ZFHX3: variants seen among roughly 807,000 people sequenced by gnomAD.
The protein encoded by ZFHX3 is zinc finger homeobox 3.
Under a neutral mutation model 279.1 loss-of-function variants are expected in ZFHX3, and 42 were observed. The ratio of observed to expected loss-of-function variants is 0.15; its 90% CI spans 0.12 to 0.19. The LOEUF is 0.19. Among genes scored for constraint, ZFHX3 ranks in the 10% least tolerant of loss-of-function variants. The pLI, the probability that ZFHX3 is intolerant of heterozygous loss-of-function variation, is 1.00. For synonymous variants in ZFHX3, 2,293 were observed against 1,957.8 expected (o/e 1.17, Z -4.52); for missense variants, 4,981 against 4,754.0 (o/e 1.05, Z -1.40).
chr16:73,338,393 T>G (rs957105649), intron 3 of ZFHX3, among the ~76,000 whole-genome samples: 2 of 152,198 alleles, frequency 1.3e-5, no homozygotes, highest in Non-Finnish European at 2.9e-5. Context: ...GGCAAATATT[T>G]GATATGTAAG....
At chr16:73,782,483 G>C (rs751087402) in intron 1 of ZFHX3, among the ~76,000 whole-genome samples, 3 of 152,166 alleles carry the variant, frequency 2.0e-5, no homozygotes, top group Non-Finnish European at 2.9e-5. Flanking sequence ...CTTGAAGGAC[G>C]CTTCAAGCCT....
rs142237405 is a variant in ZFHX3 at position 73,030,027 on chromosome 16, T to C, written c.-50+17725A>G. On this transcript the variant is annotated intron_variant, in intron 1 of 9. Coordinates refer to ENST00000268489, the MANE Select transcript of ZFHX3 (RefSeq NM_006885.4). ...AGGCATGTTTTGTTTTAATAAGTGA[T>C]AAATACTAATAACCCAACATCTAAT... 7.2e-4 allele frequency among the ~76,000 whole-genome samples: 110 copies of C among 152,294 alleles called. 1 individual carries two copies. In the Middle Eastern group the frequency reaches 0.01, roughly 14 times the overall value.
At chr16:72,928,199 A>G (rs1188853402) in intron 3 of ZFHX3, among the ~76,000 whole-genome samples, 2 of 15,726 alleles carry the variant, frequency 1.3e-4, no homozygotes, top group African/African-American at 2.1e-4. Flanking sequence ...GGGGGAGGGG[A>G]GCGAGGGGGA....
At chr16:73,797,851 G>A (rs1597120206) in intron 1 of ZFHX3, among the ~76,000 whole-genome samples, 2 of 100,636 alleles carry the variant, frequency 2.0e-5, no homozygotes, top group African/African-American at 8.1e-5. Flanking sequence ...TTGCACTCTT[G>A]TCACCCAGGC....
chr16:73,081,214 C>G (rs1242820934), intron 8 of ZFHX3: 1 of 151,940 alleles, frequency 6.6e-6, no homozygotes, highest in African/African-American at 2.4e-5. Context: ...CTTTCATCTT[C>G]TTTTCCATGA....
chr16:72,819,361 G>GA (rs34365119), intron 5 of ZFHX3, among the ~76,000 whole-genome samples: 1 of 152,084 alleles, frequency 6.6e-6, no homozygotes, highest in East Asian at 1.9e-4. Flanking sequence ...GTCTAGTTAA[G>GA]AAGTCGATCT....
chr16:73,126,427 C>A (rs1966570905), intron 7 of ZFHX3, among the ~76,000 whole-genome samples: 1 of 151,996 alleles, frequency 6.6e-6, no homozygotes, highest in Admixed American at 6.6e-5. Context: ...GACTTGGGGA[C>A]TGAAGTACTG....
At chr16:73,392,840 GT>G (rs5817842) in intron 3 of ZFHX3, among the ~76,000 whole-genome samples, 121,923 of 151,696 alleles carry the variant, frequency 0.8, 49,348 homozygotes, top group Non-Finnish European at 0.83. Flanking sequence ...TTTGTTTTTT[GT>G]TTTTTTGTTT....
At position 72,808,482 on chromosome 16, in the gene ZFHX3, T is replaced by C. The variant is rs555921679; in HGVS notation, c.3864+3095A>G. Among the ~76,000 whole-genome samples, 4 of 152,366 alleles carry C rather than the reference T, an allele frequency of 2.6e-5. No individual in the cohort carries two copies. In the East Asian group the frequency reaches 7.7e-4, roughly 29 times the overall value. On this transcript the variant is annotated intron_variant, in intron 7 of 9. Coordinates refer to ENST00000268489, the MANE Select transcript of ZFHX3 (RefSeq NM_006885.4). ...TGCAAAGAGAAAACTCATCCTTGCA[T>C]ATACATCTTTCAGTAAAAAGTAAAA...
intron 1 of ZFHX3, among the ~76,000 whole-genome samples, chr16:73,839,161 A>G (rs1961225290): frequency 6.6e-6 from 1 of 151,848 alleles, no homozygotes; most frequent in Non-Finnish European, 1.5e-5. Context: ...CTGGGCACAC[A>G]TCCTGGTGAA....
chr16:72,859,749 G>A (rs886402111), intron 4 of ZFHX3, among the ~76,000 whole-genome samples: 1 of 152,134 alleles, frequency 6.6e-6, no homozygotes, highest in Non-Finnish European at 1.5e-5. Flanking sequence ...GGAGAATGCG[G>A]CAGGACATGG....
chr16:73,176,303 T>A (rs1369426062), intron 5 of ZFHX3, among the ~76,000 whole-genome samples: 1 of 152,234 alleles, frequency 6.6e-6, no homozygotes, highest in Admixed American at 6.5e-5. Flanking sequence ...AAGAGATCAA[T>A]GTCAATGCAA....
At chr16:73,684,527 G>A (rs2053058563) in intron 1 of ZFHX3, among the ~76,000 whole-genome samples, 1 of 152,060 alleles carries the variant, frequency 6.6e-6, no homozygotes, top group Non-Finnish European at 1.5e-5. Flanking sequence ...TAGAATAATG[G>A]CTTCCCAAAC....
At chr16:72,911,868 G>A (rs149626477) in intron 3 of ZFHX3, among the ~76,000 whole-genome samples, 187 of 152,250 alleles carry the variant, frequency 1.2e-3, no homozygotes, top group African/African-American at 4.1e-3. Flanking sequence ...GAAAGCAGAG[G>A]GCAGGGGGAG....
intron 1 of ZFHX3, among the ~76,000 whole-genome samples, chr16:73,795,098 C>A (rs1959953060): frequency 6.6e-6 from 1 of 152,180 alleles, no homozygotes; most frequent in African/African-American, 2.4e-5. Flanking sequence ...AAACTGACTC[C>A]TCTCAGTGTC....
chr16:73,800,097 G>T (rs1053066577), intron 1 of ZFHX3, among the ~76,000 whole-genome samples: 76 of 152,028 alleles, frequency 5.0e-4, no homozygotes, highest in Non-Finnish European at 6.6e-4. Flanking sequence ...ATAAAACAAT[G>T]ACTTCTATAG....
intron 2 of ZFHX3, among the ~76,000 whole-genome samples, chr16:73,515,201 C>A (rs1279562937): frequency 6.6e-6 from 1 of 152,152 alleles, no homozygotes; most frequent in Non-Finnish European, 1.5e-5. Context: ...AAGGGCAGCC[C>A]AGTGGAAACT....
At chr16:73,603,154 G>A (rs929349449) in intron 2 of ZFHX3, among the ~76,000 whole-genome samples, 3 of 151,682 alleles carry the variant, frequency 2.0e-5, no homozygotes, top group East Asian at 1.9e-4. Context: ...GCGCAGTGGC[G>A]GGCGTCTGTA....
chr16:73,840,119 A>T (rs1054664392), intron 1 of ZFHX3, among the ~76,000 whole-genome samples: 2 of 152,160 alleles, frequency 1.3e-5, no homozygotes, highest in Non-Finnish European at 2.9e-5. Flanking sequence ...CATTCAATAC[A>T]TGCCAAACAG....
Sources: allele counts gnomAD v4.1 joint callset (sites outside exome capture counted in the v4.1 genomes callset), GRCh38; gene constraint gnomAD v4.1.1; transcripts MANE v1.5; gene names NCBI Gene and HGNC (gene_info 2026-07-23, HGNC 2026-07-21).